Variants in NRG1 observed in about 807,000 individuals in gnomAD.
The protein encoded by NRG1 is neuregulin 1, also known as pro-neuregulin-1, membrane-bound isoform.
In NRG1, 18 loss-of-function variants were observed where a neutral mutation model predicts 63.8. The ratio of observed to expected loss-of-function variants is 0.28; its 90% confidence interval spans 0.19 to 0.42. The LOEUF is 0.42. Ranked by LOEUF, NRG1 falls within the 10% of genes least tolerant of loss-of-function variation. NRG1 has a pLI of 1.00. For synonymous variants in NRG1, 302 were observed against 301.3 expected, an observed-to-expected ratio of 1.00 and a Z score of -0.02; for missense variants, 762 against 814.7, an observed-to-expected ratio of 0.94 and a Z score of 0.79.
chr8:32,548,794 A>C (rs760361259), exon 1 of NRG1: 13 of 1,584,558 alleles, frequency 8.2e-6, no homozygotes, highest in Non-Finnish European at 1.1e-5. Context: ...TCCGGCAAGA[A>C]GCCGGAGTCC....
At chr8:32,231,791 A>T (rs766574624) in intron 1 of NRG1, among the ~76,000 whole-genome samples, 4 of 151,702 alleles carry the variant, frequency 2.6e-5, no homozygotes, top group Non-Finnish European at 5.9e-5. Flanking sequence ...AGTCTCAGCA[A>T]CTCGGGAGGC....
chr8:32,674,110 T>C (rs1051074534), intron 5 of NRG1, among the ~76,000 whole-genome samples: 1 of 152,192 alleles, frequency 6.6e-6, no homozygotes, highest in Non-Finnish European at 1.5e-5. Flanking sequence ...ACAGGTATGT[T>C]AGAAACACTG....
In NRG1 at chr8:32,383,622, A is replaced by G. The variant is rs113917800; in HGVS notation, c.38-212206A>G. ...ATTGGACATATCTCTGGAGCCACAAATCAGAGTCACATAGATGTGACTGCC... is the reference window on the plus strand; with the variant it reads ...ATTGGACATATCTCTGGAGCCACAAGTCAGAGTCACATAGATGTGACTGCC... On this transcript the variant is annotated intron_variant, in intron 1 of 10. Transcript: ENST00000519301. 2.5e-3 allele frequency among the ~76,000 whole-genome samples: 381 copies of G among 152,324 alleles called. 3 individuals carry two copies. Among genetic ancestry groups the G allele is most frequent in the African/African-American group, 8.9e-3 (370 of 41,570 alleles).
chr8:32,513,775 C>A (rs1031737934), intron 1 of NRG1, among the ~76,000 whole-genome samples: 3 of 152,080 alleles, frequency 2.0e-5, no homozygotes, highest in Non-Finnish European at 4.4e-5. Context: ...TCTGGCTGAT[C>A]TTTGACAGTA....
At chr8:32,618,188 G>A (rs1455372857) in intron 5 of NRG1, among the ~76,000 whole-genome samples, 1 of 151,900 alleles carries the variant, frequency 6.6e-6, no homozygotes, top group African/African-American at 2.4e-5. Context: ...TAGCATCCAG[G>A]AATCACATTG....
chr8:31,665,120 GC>G (rs1261484130), intron 1 of NRG1, among the ~76,000 whole-genome samples: 1 of 152,124 alleles, frequency 6.6e-6, no homozygotes, highest in African/African-American at 2.4e-5. Flanking sequence ...AATATGGGGT[GC>G]TGGGTTGGGC....
intron 1 of NRG1, among the ~76,000 whole-genome samples, chr8:31,713,155 C>T (rs1028338063): frequency 5.1e-5 from 6 of 117,516 alleles, no homozygotes; most frequent in African/African-American, 6.5e-5. Flanking sequence ...CTCGCTTTGT[C>T]GCCCAGGATG....
intron 5 of NRG1, among the ~76,000 whole-genome samples, chr8:32,653,212 C>T (rs553056072): frequency 4.0e-5 from 6 of 151,874 alleles, no homozygotes; most frequent in South Asian, 2.1e-4. Flanking sequence ...TGTTCTAGAC[C>T]GGTTATATGA....
intron 1 of NRG1, among the ~76,000 whole-genome samples, chr8:31,960,278 C>T (rs1160444012): frequency 6.6e-6 from 1 of 152,098 alleles, no homozygotes; most frequent in Non-Finnish European, 1.5e-5. Context: ...CTAGGCTATC[C>T]TTTATGAGGT....
chr8:31,897,159 T>C (rs934483904), intron 1 of NRG1, among the ~76,000 whole-genome samples: 1 of 152,112 alleles, frequency 6.6e-6, no homozygotes, highest in Non-Finnish European at 1.5e-5. Context: ...ACCATCTGAG[T>C]GGACCCCTTC....
At chr8:32,615,597 A>G (rs1847207684) in intron 4 of NRG1, among the ~76,000 whole-genome samples, 2 of 152,074 alleles carry the variant, frequency 1.3e-5, no homozygotes, top group African/African-American at 2.4e-5. Context: ...GTTTTTCATT[A>G]TGGCTGGTAC....
At chr8:32,705,219 C>T (rs928562503) in intron 5 of NRG1, among the ~76,000 whole-genome samples, 3 of 151,358 alleles carry the variant, frequency 2.0e-5, no homozygotes, top group African/African-American at 7.3e-5. Context: ...GCAAGCTCCA[C>T]CTCCCGGGTT....
At chr8:32,696,296 T>G (rs1813283820) in intron 5 of NRG1, among the ~76,000 whole-genome samples, 1 of 152,216 alleles carries the variant, frequency 6.6e-6, no homozygotes, top group Non-Finnish European at 1.5e-5. Context: ...CCTAGTTCCC[T>G]TAGAGAGGGG....
chr8:31,913,813 T>A (rs1299961964), intron 1 of NRG1, among the ~76,000 whole-genome samples: 2 of 152,092 alleles, frequency 1.3e-5, no homozygotes, highest in Non-Finnish European at 2.9e-5. Flanking sequence ...GGAAAAAAAA[T>A]TGTGGAGATC....
chr8:31,756,892 A>G (rs992301323), intron 1 of NRG1, among the ~76,000 whole-genome samples: 5 of 152,104 alleles, frequency 3.3e-5, no homozygotes, highest in Non-Finnish European at 7.4e-5. Context: ...CTTAGCAGTC[A>G]TCTTCTTTTA....
intron 1 of NRG1, among the ~76,000 whole-genome samples, chr8:31,960,986 A>C (rs1195041442): frequency 6.6e-6 from 1 of 152,250 alleles, no homozygotes; most frequent in Non-Finnish European, 1.5e-5. Flanking sequence ...ATGCCTGTCA[A>C]TGAAACTTTA....
At chr8:32,467,180 A>C (rs1277673105) in intron 1 of NRG1, among the ~76,000 whole-genome samples, 1 of 152,236 alleles carries the variant, frequency 6.6e-6, no homozygotes, top group Non-Finnish European at 1.5e-5. Flanking sequence ...ATAGGAGAAA[A>C]GTACTAGTTA....
At chr8:32,749,494 G>A in intron 7 of NRG1, 1 of 1,500,258 alleles carries the variant, frequency 6.7e-7, no homozygotes. Flanking sequence ...TTGGAGTGCA[G>A]TGTATTGCTC....
intron 1 of NRG1, among the ~76,000 whole-genome samples, chr8:32,381,604 A>G (rs938003861): frequency 6.6e-6 from 1 of 152,198 alleles, no homozygotes; most frequent in Non-Finnish European, 1.5e-5. Context: ...ATACTGGGGG[A>G]CCAAATTACC....
Sources: allele counts gnomAD v4.1 joint callset (sites outside exome capture counted in the v4.1 genomes callset), GRCh38; gene constraint gnomAD v4.1.1; transcripts MANE v1.5; gene names NCBI Gene and HGNC (gene_info 2026-07-23, HGNC 2026-07-21).